ROBO2: variants seen among roughly 807,000 people sequenced by gnomAD.
The protein encoded by ROBO2 is roundabout guidance receptor 2.
In ROBO2, 53 loss-of-function variants were observed where a neutral mutation model predicts 160.8. That is an observed-to-expected ratio of 0.33 (90% CI 0.26 to 0.41). The LOEUF is 0.41. Among genes scored for constraint, ROBO2 ranks in the 10% least tolerant of loss-of-function variants. The pLI is 1.00. For synonymous variants in ROBO2, 664 were observed against 611.7 expected (o/e 1.09, Z -1.26); for missense variants, 1,577 against 1,722.4 (o/e 0.92, Z 1.49).
intron 2 of ROBO2, among the ~76,000 whole-genome samples, chr3:76,591,690 G>A (rs11127550): frequency 0.1 from 15,370 of 152,024 alleles, 1,032 homozygotes; most frequent in Non-Finnish European, 0.15. Context: ...GCAAATCATT[G>A]TGCATTTTGT....
At chr3:77,258,904 T>C (rs887051579) in intron 2 of ROBO2, among the ~76,000 whole-genome samples, 1 of 152,212 alleles carries the variant, frequency 6.6e-6, no homozygotes, top group African/African-American at 2.4e-5. Flanking sequence ...TACAAATCCT[T>C]CTTGATTGGA....
At chr3:77,269,338 A>G (rs185264201) in intron 2 of ROBO2, among the ~76,000 whole-genome samples, 1 of 152,316 alleles carries the variant, frequency 6.6e-6, no homozygotes, top group East Asian at 1.9e-4. Flanking sequence ...TAGACCTAAC[A>G]CATACAATGC....
At chr3:76,514,340 A>T in intron 2 of ROBO2, among the ~76,000 whole-genome samples, 1 of 152,132 alleles carries the variant, frequency 6.6e-6, no homozygotes, top group Non-Finnish European at 1.5e-5. Context: ...CTACCTCCCC[A>T]ACTTTAAGAA....
chr3:76,285,416 T>C (rs1466634191), intron 2 of ROBO2, among the ~76,000 whole-genome samples: 1 of 152,100 alleles, frequency 6.6e-6, no homozygotes, highest in East Asian at 1.9e-4. Context: ...AATAAGAGCA[T>C]ATCAAAACTC....
At chr3:76,986,247 T>G (rs1237817401) in intron 2 of ROBO2, among the ~76,000 whole-genome samples, 1 of 152,182 alleles carries the variant, frequency 6.6e-6, no homozygotes, top group Non-Finnish European at 1.5e-5. Flanking sequence ...TATAAAAATC[T>G]AAGTTACATA....
At chr3:76,230,948 A>C (rs113884729) in intron 2 of ROBO2, among the ~76,000 whole-genome samples, 2,760 of 152,242 alleles carry the variant, frequency 0.018, 101 homozygotes, top group East Asian at 0.13. Context: ...CAGGGTAATG[A>C]ATCTACAGGC....
At chr3:77,317,210 T>C in intron 2 of ROBO2, 1 of 830,604 alleles carries the variant, frequency 1.2e-6, no homozygotes, top group South Asian at 1.3e-5. Context: ...GGCCCAGCAG[T>C]GTGGAAATCC....
In ROBO2 at chr3:76,322,203, TA is replaced by T. The variant is rs1200043046; in HGVS notation, c.109+384603del. Among the ~76,000 whole-genome samples, 1,071 of 116,006 alleles carry T rather than the reference TA, an allele frequency of 9.2e-3. 14 individuals carry two copies. The highest frequency in any genetic ancestry group is 0.024 in the African/African-American group (684 of 27,968). The allele number at this position is 116,006 out of a possible 152,430, so 76.1% of individuals were successfully genotyped here. A position where few individuals can be genotyped will look rare whatever the true frequency, so the allele number is the denominator to read the frequency against. On this transcript the variant is annotated intron_variant, in intron 2 of 26. Coordinates refer to the ROBO2 transcript ENST00000487694. ...ATATATATATATATATATATATATA[TA>T]ATATACACACACATATATACACACA...
At chr3:77,016,126 G>A (rs1010220715) in intron 2 of ROBO2, among the ~76,000 whole-genome samples, 5 of 151,898 alleles carry the variant, frequency 3.3e-5, no homozygotes, top group African/African-American at 7.3e-5. Context: ...ACAGGCGCCC[G>A]CCACCACGCC....
intron 2 of ROBO2, among the ~76,000 whole-genome samples, chr3:76,364,295 A>G (rs1559826849): frequency 6.6e-6 from 1 of 151,952 alleles, no homozygotes; most frequent in African/African-American, 2.4e-5. Flanking sequence ...TAACTCTCAC[A>G]GTTTTTCTCT....
At chr3:76,119,953 C>T (rs567408453) in intron 2 of ROBO2, among the ~76,000 whole-genome samples, 8 of 138,524 alleles carry the variant, frequency 5.8e-5, no homozygotes, top group African/African-American at 1.9e-4. Context: ...TTCCTTCCTT[C>T]CTTCCTTCCT....
At chr3:76,515,677 T>G (rs1055004894) in intron 2 of ROBO2, among the ~76,000 whole-genome samples, 9 of 152,184 alleles carry the variant, frequency 5.9e-5, no homozygotes. Flanking sequence ...TGTCTGGCAC[T>G]GTGTTATTTG....
intron 23 of ROBO2, among the ~76,000 whole-genome samples, chr3:77,628,259 G>C (rs2095077135): frequency 6.6e-6 from 1 of 152,114 alleles, no homozygotes; most frequent in Admixed American, 6.5e-5. Flanking sequence ...TTGGTATGGA[G>C]TGCTTATTAA....
At chr3:76,126,112 C>A (rs76440202) in intron 2 of ROBO2, among the ~76,000 whole-genome samples, 1 of 152,100 alleles carries the variant, frequency 6.6e-6, no homozygotes, top group African/African-American at 2.4e-5. Flanking sequence ...CTGCACCCAG[C>A]CTGCATCAAA....
chr3:76,216,366 A>T (rs1183669682), intron 2 of ROBO2, among the ~76,000 whole-genome samples: 6 of 152,214 alleles, frequency 3.9e-5, no homozygotes, highest in South Asian at 2.1e-4. Context: ...ACAGACTGCA[A>T]ATTGGATAAA....
intron 2 of ROBO2, among the ~76,000 whole-genome samples, chr3:76,489,159 T>TG (rs1323881498): frequency 1.3e-5 from 2 of 150,376 alleles, no homozygotes; most frequent in African/African-American, 4.9e-5. Context: ...TTTTTGTTTT[T>TG]TTTTTTGGCC....
chr3:76,931,838 G>C (rs961194139), intron 2 of ROBO2, among the ~76,000 whole-genome samples: 2 of 151,636 alleles, frequency 1.3e-5, no homozygotes, highest in Non-Finnish European at 1.5e-5. Flanking sequence ...CTGCCACCAC[G>C]CCTGGCTAAT....
chr3:77,446,978 C>CA (rs1293245453), intron 2 of ROBO2, among the ~76,000 whole-genome samples: 1 of 151,954 alleles, frequency 6.6e-6, no homozygotes, highest in Non-Finnish European at 1.5e-5. Context: ...GTAAATGAAG[C>CA]AAAATAGTTT....
intron 2 of ROBO2, among the ~76,000 whole-genome samples, chr3:76,187,108 T>G (rs1701801224): frequency 6.6e-6 from 1 of 152,054 alleles, no homozygotes; most frequent in Non-Finnish European, 1.5e-5. Flanking sequence ...ATAAACATTG[T>G]CTTTGTGCTG....
Sources: allele counts gnomAD v4.1 joint callset (sites outside exome capture counted in the v4.1 genomes callset), GRCh38; gene constraint gnomAD v4.1.1; transcripts MANE v1.5; gene names NCBI Gene and HGNC (gene_info 2026-07-23, HGNC 2026-07-21).